PLD5: variants seen among roughly 807,000 people sequenced by gnomAD.
The protein encoded by PLD5 is inactive phospholipase D5.
A neutral mutation model predicts 61.1 loss-of-function variants in PLD5; 36 were observed. The observed-to-expected ratio is 0.59, with a 90% CI of 0.45 to 0.78. The LOEUF (loss-of-function observed/expected upper bound fraction) is 0.78, where lower values mean the gene tolerates loss of function less well. Ranked by LOEUF, PLD5 falls within the 30% of genes least tolerant of loss-of-function variation. The pLI, the probability that PLD5 is intolerant of heterozygous loss-of-function variation, is 0.00. For synonymous variants in PLD5, 243 were observed against 242.8 expected (o/e 1.00, Z -0.01); for missense variants, 515 against 644.4 (o/e 0.80, Z 2.17).
rs150538257 is a variant in PLD5 at position 242,349,401 on chromosome 1, A to G, written c.190-1159T>C. Reference sequence around the variant, plus strand: ...GCAAGTCCAGCTCCCACTTCTCATCATGGCCTGAACTAGTTTTTCAGGTTA... The same window carrying G: ...GCAAGTCCAGCTCCCACTTCTCATCGTGGCCTGAACTAGTTTTTCAGGTTA... On this transcript the variant is annotated intron_variant, in intron 1 of 9. Transcript: ENST00000536534. 3.2e-3 allele frequency among the ~76,000 whole-genome samples: 490 copies of G among 152,282 alleles called. 5 individuals are homozygous for G. Among genetic ancestry groups the G allele is most frequent in the African/African-American group, 0.011 (476 of 41,564 alleles).
chr1:242,094,573 G>C (rs1214046280), intron 9 of PLD5, among the ~76,000 whole-genome samples: 1 of 151,900 alleles, frequency 6.6e-6, no homozygotes, highest in Non-Finnish European at 1.5e-5. Context: ...TTTCTTCTAG[G>C]GTTGAGTATT....
Position 242,100,745 on chromosome 1 carries a change from G to A in PLD5, c.1277C>T (p.Thr426Ile), listed in dbSNP as rs180781130. The change falls in exon 9 of 10, where the codon ACA becomes ATA. Residue 426 changes from threonine (T) to isoleucine (I), a missense_variant. Transcript: ENST00000536534. ...AAAGGTGTGATTCTTTTGTTCTTTT[G>A]TAGCACAAGCATTCTCTCTTTCCAG... ...FDLERENACATKEQKNHTFPR... is the reference protein window; with the variant it reads ...FDLERENACAIKEQKNHTFPR... 325 of 1,613,398 alleles carry A rather than the reference G, an allele frequency of 2.0e-4. 2 individuals are homozygous for A. In the East Asian group the frequency reaches 5.5e-3, roughly 27 times the overall value.
intron 5 of PLD5, among the ~76,000 whole-genome samples, chr1:242,182,785 G>A (rs1193386836): frequency 1.3e-5 from 2 of 152,226 alleles, no homozygotes; most frequent in African/African-American, 4.8e-5. Context: ...GGAGGTTGCA[G>A]TGAGGCAAGA....
At position 242,274,945 on chromosome 1, in the gene PLD5, C is replaced by T. The variant is rs558613853; in HGVS notation, c.496-9497G>A. Among the ~76,000 whole-genome samples, 128 of 152,210 alleles carry T rather than the reference C, an allele frequency of 8.4e-4. 1 individual carries two copies. Among genetic ancestry groups the T allele is most frequent in the African/African-American group, 2.9e-3 (120 of 41,534 alleles). ...TTGGGGAAATGATACTCTGACATAT[C>T]GGCTTTCTTCCACCCAGGAATCCTA... On this transcript the variant is annotated intron_variant, in intron 3 of 9. Transcript: ENST00000536534.
chr1:242,265,314 T>G, intron 4 of PLD5, 23 bp downstream of exon 4: 1 of 1,596,732 alleles, frequency 6.3e-7, no homozygotes, highest in Admixed American at 1.8e-5. Context: ...AGCGGTAGAA[T>G]AGCATATCAA....
chr1:242,230,958 C>A (rs1574568803), intron 4 of PLD5, among the ~76,000 whole-genome samples: 1 of 152,040 alleles, frequency 6.6e-6, no homozygotes, highest in African/African-American at 2.4e-5. Context: ...ACCTTCTAGT[C>A]CAACAGTTAA....
intron 5 of PLD5, among the ~76,000 whole-genome samples, chr1:242,141,919 T>G (rs758705976): frequency 6.6e-6 from 1 of 152,254 alleles, no homozygotes; most frequent in African/African-American, 2.4e-5. Flanking sequence ...ACTTCCAGAT[T>G]TGATCTTTCT....
chr1:242,151,542 T>G (rs1664928648), intron 5 of PLD5, among the ~76,000 whole-genome samples: 2 of 152,070 alleles, frequency 1.3e-5, no homozygotes, highest in Non-Finnish European at 2.9e-5. Context: ...TTGTCAATAT[T>G]CCTATATGTA....
At position 242,295,936 on chromosome 1, in the gene PLD5, T is replaced by C. The variant is rs139519850; in HGVS notation, c.327-7406A>G. On this transcript the variant is annotated intron_variant, in intron 2 of 9. Transcript: ENST00000536534. ...AATATGATACTTTCATACTTGATTTTGGCATTATGTAGAGAACAATTCAAA... is the reference window on the plus strand; with the variant it reads ...AATATGATACTTTCATACTTGATTTCGGCATTATGTAGAGAACAATTCAAA... 2.0e-3 allele frequency among the ~76,000 whole-genome samples: 302 copies of C among 152,368 alleles called. 1 individual carries two copies. The highest frequency in any genetic ancestry group is 7.1e-3 in the African/African-American group (296 of 41,592).
chr1:242,457,726 G>A (rs536799597), intron 1 of PLD5, among the ~76,000 whole-genome samples: 2 of 152,248 alleles, frequency 1.3e-5, no homozygotes, highest in Admixed American at 6.5e-5. Context: ...CAGACATCCT[G>A]AACAACTTGT....
chr1:242,153,458 T>A (rs1665101969), intron 5 of PLD5, among the ~76,000 whole-genome samples: 1 of 152,002 alleles, frequency 6.6e-6, no homozygotes, highest in Non-Finnish European at 1.5e-5. Context: ...CGCCTAGGTT[T>A]TCTTCTAGGG....
At chr1:242,270,221 C>T (rs371582807) in intron 3 of PLD5, among the ~76,000 whole-genome samples, 23 of 150,716 alleles carry the variant, frequency 1.5e-4, no homozygotes, top group East Asian at 5.8e-4. Context: ...ATACAGAATC[C>T]GCGGGGCTCC....
intron 5 of PLD5, among the ~76,000 whole-genome samples, chr1:242,168,132 GTCA>G (rs1317817671): frequency 6.6e-6 from 1 of 152,180 alleles, no homozygotes; most frequent in East Asian, 1.9e-4. Flanking sequence ...GTTTATCCAT[GTCA>G]TCATAATGGT....
intron 4 of PLD5, among the ~76,000 whole-genome samples, chr1:242,262,797 T>C (rs1673446822): frequency 6.6e-6 from 1 of 152,084 alleles, no homozygotes; most frequent in Non-Finnish European, 1.5e-5. Flanking sequence ...AAAGAAAGCA[T>C]GTGAGCTGAG....
At chr1:242,213,611 T>C (rs918058859) in intron 5 of PLD5, among the ~76,000 whole-genome samples, 4 of 152,090 alleles carry the variant, frequency 2.6e-5, no homozygotes, top group South Asian at 4.2e-4. Flanking sequence ...TGCCCCACTT[T>C]AGGCATTCCG....
At chr1:242,504,003 T>C (rs1668641377) in intron 1 of PLD5, among the ~76,000 whole-genome samples, 1 of 152,208 alleles carries the variant, frequency 6.6e-6, no homozygotes, top group African/African-American at 2.4e-5. Context: ...AATGCTGAAC[T>C]TATCACAAGT....
chr1:242,398,017 G>C (rs1404237730), intron 1 of PLD5, among the ~76,000 whole-genome samples: 1 of 152,158 alleles, frequency 6.6e-6, no homozygotes, highest in Non-Finnish European at 1.5e-5. Context: ...CACCTTTCCT[G>C]AGAAACATTT....
In PLD5 at chr1:242,089,440, C is replaced by A; in HGVS notation, c.*414G>T. 4.7e-6 allele frequency: 2 copies of A among 425,806 alleles called. No individual in the cohort carries two copies. Among genetic ancestry groups the A allele is most frequent in the South Asian group, 1.8e-4 (2 of 11,030 alleles). 26.4% of individuals were successfully genotyped at this position (425,806 alleles called of 1,614,324 possible). Reference sequence around the variant, plus strand: ...AATAAACACTTGGTTTTATCAGTCTCTTCTCCAAGGCAAAATCCTCACCTT... The same window carrying A: ...AATAAACACTTGGTTTTATCAGTCTATTCTCCAAGGCAAAATCCTCACCTT... On this transcript the variant is annotated 3_prime_UTR_variant, in exon 10 of 10. Transcript: ENST00000536534.
chr1:242,157,272 C>G (rs941316648), intron 5 of PLD5, among the ~76,000 whole-genome samples: 1 of 152,212 alleles, frequency 6.6e-6, no homozygotes, highest in Non-Finnish European at 1.5e-5. Context: ...TCTCAAGGTT[C>G]TTAGCTTCCT....
Sources: allele counts gnomAD v4.1 joint callset (sites outside exome capture counted in the v4.1 genomes callset), GRCh38; gene constraint gnomAD v4.1.1; transcripts MANE v1.5; gene names NCBI Gene and HGNC (gene_info 2026-07-23, HGNC 2026-07-21).